The following SYNRG variants were observed in gnomAD, a reference collection of about 807,000 sequenced individuals.
The protein encoded by SYNRG is synergin gamma, also known as AP1 gamma subunit binding protein 1.
In SYNRG, 37 loss-of-function variants were observed where a neutral mutation model predicts 130.9. The ratio of observed to expected loss-of-function variants is 0.28; its 90% CI spans 0.22 to 0.37. The LOEUF (loss-of-function observed/expected upper bound fraction) is 0.37. Ranked by LOEUF, SYNRG falls within the 10% of genes least tolerant of loss-of-function variation. SYNRG has a pLI of 1.00. For synonymous variants in SYNRG, 539 were observed against 568.1 expected, an observed-to-expected ratio of 0.95 and a Z score of 0.73; for missense variants, 1,338 against 1,588.9, an observed-to-expected ratio of 0.84 and a Z score of 2.68.
intron 21 of SYNRG, 77 bp from the exon 22 acceptor site, chr17:37,519,148 C>T: frequency 6.4e-7 from 1 of 1,567,282 alleles, no homozygotes; most frequent in Non-Finnish European, 8.7e-7. Flanking sequence ...CCAACATGTA[C>T]ATCTATCTCT....
At chr17:37,520,505 CT>C (rs781231681) in intron 20 of SYNRG, 32 bp downstream of exon 20, 2 of 1,594,714 alleles carry the variant, frequency 1.3e-6, no homozygotes, top group African/African-American at 2.7e-5. Context: ...TAGGGAAGCC[CT>C]TTGCTGTCTG....
intron 10 of SYNRG, among the ~76,000 whole-genome samples, chr17:37,570,247 GA>G (rs2060324955): frequency 6.7e-6 from 1 of 150,098 alleles, no homozygotes; most frequent in Admixed American, 6.7e-5. Context: ...GAACTCCTGG[GA>G]TCAAGTGATC....
intron 3 of SYNRG, among the ~76,000 whole-genome samples, 182 bp from the exon 4 acceptor site, chr17:37,586,731 T>C (rs1467080147): frequency 6.6e-6 from 1 of 152,184 alleles, no homozygotes; most frequent in Non-Finnish European, 1.5e-5. Flanking sequence ...AAATATATTA[T>C]ATTAAAAGAT....
In SYNRG at chr17:37,542,369, A is replaced by G. The variant is rs2057840105; in HGVS notation, c.2805T>C (p.Ser935=). 2 of 1,614,202 alleles carry G rather than the reference A, an allele frequency of 1.2e-6. No individual in the cohort carries two copies. Among genetic ancestry groups the G allele is most frequent in the South Asian group, 2.2e-5 (2 of 91,080 alleles). The part of the protein sequence containing the change: ...ILQKKETSFG[S]SENITMTSLS... Reference sequence around the variant, plus strand: ...GAGATGTCATGGTGATGTTTTCAGAACTGCCAAATGAAGTCTCTTTCTTTT... The same window carrying G: ...GAGATGTCATGGTGATGTTTTCAGAGCTGCCAAATGAAGTCTCTTTCTTTT... The change falls in exon 15 of 22, where the codon AGT becomes AGC. Residue 935 remains serine (S), a synonymous_variant. Transcript: ENST00000612223.
At chr17:37,594,263 ATTACAATAATATTAAT>A in intron 3 of SYNRG, among the ~76,000 whole-genome samples, 5 of 129,406 alleles carry the variant, frequency 3.9e-5, no homozygotes, top group South Asian at 2.5e-4. Context: ...AATTATATTA[ATTACAATAATATTAAT>A]TTTAATTATA....
chr17:37,519,220 G>T, intron 21 of SYNRG, 149 bp from the exon 22 acceptor site: 7 of 1,053,038 alleles, frequency 6.6e-6, no homozygotes, highest in Non-Finnish European at 9.7e-6. Context: ...ATAGCTACAG[G>T]AATTCAAGAG....
chr17:37,575,137 GT>G (rs1331825296), intron 8 of SYNRG, among the ~76,000 whole-genome samples: 1 of 151,958 alleles, frequency 6.6e-6, no homozygotes, highest in African/African-American at 2.4e-5. Context: ...TAGAATGATG[GT>G]TTCCAGAGGC....
chr17:37,580,741 G>A (rs976532339), intron 6 of SYNRG, among the ~76,000 whole-genome samples: 2 of 152,024 alleles, frequency 1.3e-5, no homozygotes, highest in Admixed American at 6.6e-5. Context: ...CACCATTTTG[G>A]CCAGGCTGGT....
chr17:37,541,193 T>G (rs1162897754), intron 15 of SYNRG: 1 of 985,342 alleles, frequency 1.0e-6, no homozygotes, highest in African/African-American at 1.7e-5. Flanking sequence ...TTCCAGTCAT[T>G]TGTTATGGAT....
chr17:37,581,877 G>T (rs567165531), intron 6 of SYNRG, among the ~76,000 whole-genome samples: 23 of 150,998 alleles, frequency 1.5e-4, no homozygotes, highest in African/African-American at 5.4e-4. Context: ...AGATTCTCCT[G>T]CCTCAGCCTC....
chr17:37,553,841 CGCT>C lies in SYNRG; in HGVS notation c.1879_1881del (p.Ser627del). 1 of 1,612,966 alleles carries C rather than the reference CGCT, an allele frequency of 6.2e-7. No individual in the cohort carries two copies. Among genetic ancestry groups the C allele is most frequent in the Non-Finnish European group, 8.5e-7 (1 of 1,179,796 alleles). ...ACAGCTGAAAAAGACAATGGTTTCTCGCTGCTGCAATTAACTGAGGAAAACATA... is the reference window on the plus strand; with the variant it reads ...ACAGCTGAAAAAGACAATGGTTTCTCGCTGCAATTAACTGAGGAAAACATA... On this transcript the variant is annotated inframe_deletion, in exon 14 of 22. Coordinates refer to ENST00000612223, the MANE Select transcript of SYNRG (RefSeq NM_007247.6).
intron 11 of SYNRG, among the ~76,000 whole-genome samples, chr17:37,562,439 T>C (rs2059608616): frequency 6.6e-6 from 1 of 152,186 alleles, no homozygotes; most frequent in Non-Finnish European, 1.5e-5. Flanking sequence ...GGCAGCTCCC[T>C]GGAAGAACCA....
rs777124583 is a variant in SYNRG, at chr17:37,571,814, G to C, written c.1075C>G (p.Leu359Val). ...ACCTGTGTTACCGCTATCATGGCTA[G>C]AACGGTATAAAGTTCTTCTTTTGTA... Reference protein sequence around the residue: ...KLTKEELYTVLAMIAVTQRGV... With the variant: ...KLTKEELYTVVAMIAVTQRGV... Residue 359 changes from leucine (L) to valine (V), a missense_variant, in exon 9 of 22, where the codon CTA becomes GTA. Around this residue, in one of 3 missense-constraint regions of SYNRG, gnomAD observed 1,146 missense variants for 1,342.3 expected, o/e 0.85. Transcript: ENST00000612223. The C allele has an allele frequency of 1.1e-5, 18 of 1,613,312 alleles. No individual in the cohort carries two copies. Among genetic ancestry groups the C allele is most frequent in the Non-Finnish European group, 1.5e-5 (18 of 1,179,908 alleles).
At position 37,570,764 on chromosome 17, in the gene SYNRG, G is replaced by A; in HGVS notation, c.1220C>T (p.Ser407Leu). Residue 407 changes from serine to leucine, a missense_variant, in exon 10 of 22, where the codon TCA becomes TTA. Physicochemically the swap from Ser to Leu is moderately radical, Grantham distance 145. Transcript: ENST00000612223. ...GAGGGGCATGGAGCCCGCAGGACCTGAAGGTATCACAGTTGGCTGACTCAC... is the reference window on the plus strand; with the variant it reads ...GAGGGGCATGGAGCCCGCAGGACCTAAAGGTATCACAGTTGGCTGACTCAC... ...TPVSQPTVIP[S>L]GPAGSMPLSL... 1 of 1,614,230 alleles carries A rather than the reference G, an allele frequency of 6.2e-7. No homozygotes were observed. Among genetic ancestry groups the A allele is most frequent in the Non-Finnish European group, 8.5e-7 (1 of 1,180,046 alleles).
intron 1 of SYNRG, among the ~76,000 whole-genome samples, chr17:37,607,969 A>ACAAACAAAC (rs1568574231): frequency 4.4e-4 from 66 of 148,658 alleles, no homozygotes; most frequent in African/African-American, 1.6e-3. Flanking sequence ...AAAAAAAAAA[A>ACAAACAAAC]AAAAAAAAAA....
chr17:37,542,298 G>A lies in SYNRG; in HGVS notation c.2876C>T (p.Thr959Ile), dbSNP rs757310434. 3.7e-6 allele frequency: 6 copies of A among 1,614,190 alleles called. No individual in the cohort carries two copies. Among genetic ancestry groups the A allele is most frequent in the Non-Finnish European group, 5.1e-6 (6 of 1,180,030 alleles). Residue 959 changes from threonine (T) to isoleucine (I), a missense_variant, in exon 15 of 22, where the codon ACC becomes ATC. Coordinates refer to ENST00000612223, the MANE Select transcript of SYNRG (RefSeq NM_007247.6). ...AAAACTGGCAAGAGCTGGGAAGGTG[G>A]TCTCTGGAAGAGCATCTTCACTTAC... ...TFVSEDALPE[T>I]TFPALASFKD...
chr17:37,566,075 C>A (rs1381637002), intron 11 of SYNRG, among the ~76,000 whole-genome samples: 1 of 151,922 alleles, frequency 6.6e-6, no homozygotes. Flanking sequence ...CTCTGCCCAG[C>A]CACCCCTACT....
intron 8 of SYNRG, among the ~76,000 whole-genome samples, 189 bp downstream of exon 8, chr17:37,576,152 T>C (rs1281269002): frequency 6.6e-6 from 1 of 152,218 alleles, no homozygotes; most frequent in Non-Finnish European, 1.5e-5. Context: ...ATTTATATAG[T>C]TATTCCATAT....
At chr17:37,520,297 C>G in intron 20 of SYNRG, 83 bp from the exon 21 acceptor site, 1 of 1,578,928 alleles carries the variant, frequency 6.3e-7, no homozygotes, top group Non-Finnish European at 8.7e-7. Flanking sequence ...CAGGTTCACC[C>G]TTTTCCCCTG....
Sources: allele counts gnomAD v4.1 joint callset (sites outside exome capture counted in the v4.1 genomes callset), GRCh38; gene constraint gnomAD v4.1.1; regional missense constraint gnomAD v4.1.1; transcripts MANE v1.5; gene names NCBI Gene and HGNC (gene_info 2026-07-23, HGNC 2026-07-21).